DGKG: variants seen among roughly 807,000 people sequenced by gnomAD.
DGKG encodes the protein diacylglycerol kinase gamma, also known as DAG kinase gamma.
Under a neutral mutation model 105.3 loss-of-function variants are expected in DGKG, and 78 were observed. That is an observed-to-expected ratio of 0.74 (90% CI 0.62 to 0.89). DGKG has a LOEUF of 0.89. DGKG is among the 40% of genes least tolerant of loss of function. The pLI is 0.00. For missense variants in DGKG, 958 were observed against 1,020.1 expected (o/e 0.94, Z 0.83); for synonymous variants, 346 against 367.1 (o/e 0.94, Z 0.66).
intron 5 of DGKG, among the ~76,000 whole-genome samples, chr3:186,295,138 A>G (rs13084624): frequency 0.28 from 42,571 of 152,066 alleles, 6,378 homozygotes; most frequent in Non-Finnish European, 0.34. Flanking sequence ...CTCTCTCTTC[A>G]AGGTCCCTGT....
chr3:186,273,367 C>CCTTTTTTTTTTTTTTTTTT lies in DGKG; in HGVS notation c.911-1025_911-1024insAAAAAAAAAAAAAAAAAAG, dbSNP rs1553811123. 2.3e-5 allele frequency among the ~76,000 whole-genome samples: 2 copies of CCTTTTTTTTTTTTTTTTTT among 85,598 alleles called. 1 individual carries two copies. Among genetic ancestry groups the CCTTTTTTTTTTTTTTTTTT allele is most frequent in the African/African-American group, 7.9e-5 (2 of 25,318 alleles). 56.2% of individuals were successfully genotyped at this position (85,598 alleles called of 152,430 possible). On this transcript the variant is annotated intron_variant, in intron 10 of 24. Coordinates refer to ENST00000265022, the MANE Select transcript of DGKG (RefSeq NM_001346.3). ...TGGCGCTGGGGAGACTGTTGTACCC[C>CCTTTTTTTTTTTTTTTTTT]TTTTTTTTTTTTTTTTTTTTTTTTT...
intron 5 of DGKG, among the ~76,000 whole-genome samples, chr3:186,289,245 G>A (rs899200257): frequency 4.6e-5 from 7 of 152,126 alleles, no homozygotes; most frequent in African/African-American, 1.7e-4. Flanking sequence ...TTTTGGCTGG[G>A]ATTTCAAAAT....
intron 19 of DGKG, among the ~76,000 whole-genome samples, chr3:186,250,591 C>T (rs1354945769): frequency 1.2e-5 from 1 of 84,812 alleles, no homozygotes; most frequent in African/African-American, 3.9e-5. Flanking sequence ...GCTCTGTTGT[C>T]CAGGTTGGAG....
intron 17 of DGKG, 173 bp downstream of exon 17, chr3:186,257,681 C>CTTTTTT: frequency 4.3e-6 from 2 of 461,596 alleles, no homozygotes; most frequent in Non-Finnish European, 7.8e-6. Context: ...TGTCTTATTT[C>CTTTTTT]TTTTTTTTTT....
At chr3:186,201,668 C>T (rs1015430554) in intron 21 of DGKG, among the ~76,000 whole-genome samples, 6 of 152,174 alleles carry the variant, frequency 3.9e-5, no homozygotes, top group Non-Finnish European at 4.4e-5. Context: ...GCAAGGTGGG[C>T]CCCTTTTTCT....
chr3:186,333,504 A>C (rs1228414899), intron 1 of DGKG, among the ~76,000 whole-genome samples: 1 of 152,104 alleles, frequency 6.6e-6, no homozygotes, highest in Non-Finnish European at 1.5e-5. Context: ...ACACTCCTAA[A>C]ATTGTCATGT....
At chr3:186,225,979 T>C (rs918370475) in intron 20 of DGKG, among the ~76,000 whole-genome samples, 14 of 152,174 alleles carry the variant, frequency 9.2e-5, no homozygotes, top group Non-Finnish European at 8.8e-5. Context: ...TGCACAGAAA[T>C]AAAATATCAT....
intron 16 of DGKG, among the ~76,000 whole-genome samples, chr3:186,259,183 C>T (rs1053371815): frequency 2.6e-5 from 4 of 152,218 alleles, no homozygotes; most frequent in African/African-American, 9.6e-5. Flanking sequence ...GAGTGACATG[C>T]GCATGAGAGA....
rs144482334 is a variant in DGKG at position 186,256,421 on chromosome 3, C to A, written c.1510+1433G>T. Among the ~76,000 whole-genome samples the A allele has an allele frequency of 5.9e-5, 9 of 152,324 alleles. No individual in the cohort carries two copies. In the East Asian group the frequency reaches 1.5e-3, roughly 26 times the overall value. On this transcript the variant is annotated intron_variant, in intron 17 of 24. Coordinates refer to ENST00000265022, the MANE Select transcript of DGKG (RefSeq NM_001346.3). ...CAGCAAATCGTATTGCCTTCACCTT[C>A]TAAAGATATCCAGAAGCTGGCCACT...
chr3:186,192,862 T>G (rs1224174262), intron 21 of DGKG, among the ~76,000 whole-genome samples: 3 of 152,240 alleles, frequency 2.0e-5, no homozygotes, highest in Non-Finnish European at 2.9e-5. Context: ...GCACCAGGTT[T>G]GTTTTTTAAA....
chr3:186,258,588 G>A (rs1721595458), intron 16 of DGKG, among the ~76,000 whole-genome samples: 1 of 152,108 alleles, frequency 6.6e-6, no homozygotes, highest in Non-Finnish European at 1.5e-5. Flanking sequence ...ACAGAGGTTG[G>A]AACCATACCC....
Position 186,231,106 on chromosome 3 carries a change from G to T in DGKG, c.1826+11398C>A, listed in dbSNP as rs530598044. 1.3e-5 allele frequency among the ~76,000 whole-genome samples: 2 copies of T among 152,166 alleles called. No homozygotes were observed. The highest frequency in any genetic ancestry group is 2.9e-5 in the Non-Finnish European group (2 of 68,038). On this transcript the variant is annotated intron_variant, in intron 20 of 24. Coordinates refer to ENST00000265022, the MANE Select transcript of DGKG (RefSeq NM_001346.3). This position sits in a 1 kb window ranked among gnomAD's most constrained non-coding sequence, Gnocchi z 4.5. ...CCTGAACTGAGATGAAGAGTAAGGA[G>T]GTGCAGTCACTATTTCCTGTTGTGA...
chr3:186,310,379 T>C (rs996274935), intron 2 of DGKG, among the ~76,000 whole-genome samples: 1 of 152,024 alleles, frequency 6.6e-6, no homozygotes, highest in African/African-American at 2.4e-5. Context: ...ATTTGCTTTA[T>C]GGGCTTTCAT....
At chr3:186,348,133 G>C (rs868282840) in intron 1 of DGKG, among the ~76,000 whole-genome samples, 1 of 152,058 alleles carries the variant, frequency 6.6e-6, no homozygotes, top group Admixed American at 6.6e-5. Context: ...TTATCATTAA[G>C]TTTCTTATGT....
intron 19 of DGKG, among the ~76,000 whole-genome samples, chr3:186,249,812 G>C (rs1419811299): frequency 1.3e-5 from 2 of 152,028 alleles, no homozygotes; most frequent in Admixed American, 6.6e-5. Context: ...CAGCCTAAGT[G>C]ACAGAGTGAG....
chr3:186,216,224 T>C (rs1035539040), intron 20 of DGKG, among the ~76,000 whole-genome samples: 1 of 152,136 alleles, frequency 6.6e-6, no homozygotes, highest in African/African-American at 2.4e-5. Context: ...GGTCTTGAAC[T>C]CCTGGCCTTA....
chr3:186,180,511 C>T (rs1268895258), intron 22 of DGKG, among the ~76,000 whole-genome samples: 1 of 152,108 alleles, frequency 6.6e-6, no homozygotes, highest in Non-Finnish European at 1.5e-5. Flanking sequence ...CAGGAGAGAC[C>T]TGGGCCAGAG....
At chr3:186,220,231 A>G (rs741479) in intron 20 of DGKG, among the ~76,000 whole-genome samples, 3,899 of 152,290 alleles carry the variant, frequency 0.026, 137 homozygotes, top group African/African-American at 0.089. Context: ...AGTCTTACTC[A>G]ATATGGCACC....
At chr3:186,297,066 TCTCACACACA>T (rs1723609786) in intron 5 of DGKG, among the ~76,000 whole-genome samples, 27 of 123,750 alleles carry the variant, frequency 2.2e-4, no homozygotes, top group African/African-American at 3.3e-4. Flanking sequence ...TGTCTGTCTC[TCTCACACACA>T]CACACACACA....
Sources: gnomAD v4.1 joint callset for allele counts (sites outside exome capture counted in the v4.1 genomes callset) on GRCh38, gnomAD v4.1.1 for gene constraint, Gnocchi (gnomAD v3.1) non-coding constraint, MANE v1.5 for transcripts, NCBI Gene and HGNC (gene_info 2026-07-23, HGNC 2026-07-21) for gene names.